Variants in KLF12 observed in about 807,000 individuals in gnomAD.
KLF12 encodes Krueppel-like factor 12.
In KLF12, 9 loss-of-function variants were observed where a neutral mutation model predicts 37.8. The observed-to-expected ratio is 0.24, with a 90% CI of 0.14 to 0.42. The LOEUF is 0.42. Ranked by LOEUF, KLF12 falls within the 10% of genes least tolerant of loss-of-function variation. KLF12 has a pLI of 1.00. For missense variants in KLF12, 411 were observed against 516.0 expected, an observed-to-expected ratio of 0.80 and a Z score of 1.97; for synonymous variants, 208 against 202.1, an observed-to-expected ratio of 1.03 and a Z score of -0.25.
intron 5 of KLF12, among the ~76,000 whole-genome samples, chr13:73,765,415 C>A (rs1488546509): frequency 6.6e-6 from 1 of 152,074 alleles, no homozygotes; most frequent in African/African-American, 2.4e-5. Flanking sequence ...AGTGCCCTCT[C>A]CTTCACTCTA....
At chr13:73,737,308 C>T (rs1055835654) in intron 6 of KLF12, among the ~76,000 whole-genome samples, 1 of 152,126 alleles carries the variant, frequency 6.6e-6, no homozygotes, top group Non-Finnish European at 1.5e-5. Flanking sequence ...TATCTGGAAT[C>T]AGATTTATTT....
intron 3 of KLF12, among the ~76,000 whole-genome samples, chr13:73,855,178 C>T (rs902674876): frequency 6.6e-6 from 1 of 152,134 alleles, no homozygotes; most frequent in South Asian, 2.1e-4. Context: ...CTGAGATTTG[C>T]GTTACGATTC....
chr13:74,295,443 C>T, the KLF12 span, among the ~76,000 whole-genome samples: 88 of 152,258 alleles, frequency 5.8e-4, 1 homozygote, highest in Admixed American at 2.3e-3. Context: ...CCTAAGGAGC[C>T]TGAGCCTTTG....
At chr13:73,744,406 G>A (rs1217508852) in intron 6 of KLF12, among the ~76,000 whole-genome samples, 8 of 152,132 alleles carry the variant, frequency 5.3e-5, no homozygotes, top group African/African-American at 1.7e-4. Flanking sequence ...ATGAAAGGGC[G>A]TTTTGAAAGG....
intron 1 of KLF12, among the ~76,000 whole-genome samples, chr13:74,130,511 G>A (rs190364558): frequency 2.0e-5 from 3 of 152,200 alleles, no homozygotes; most frequent in African/African-American, 7.2e-5. Context: ...AAAATTTTTA[G>A]CTGGGTGTGG....
the KLF12 span, among the ~76,000 whole-genome samples, chr13:74,192,268 A>G: frequency 2.6e-5 from 4 of 152,220 alleles, no homozygotes; most frequent in Non-Finnish European, 5.9e-5. Context: ...ATCTCTAACT[A>G]GTTATTCCAG....
intron 6 of KLF12, among the ~76,000 whole-genome samples, chr13:73,762,435 G>A (rs1879626197): frequency 6.6e-6 from 1 of 152,174 alleles, no homozygotes; most frequent in African/African-American, 2.4e-5. Flanking sequence ...AACAGCCATA[G>A]GCTTTCCCAA....
intron 5 of KLF12, among the ~76,000 whole-genome samples, chr13:73,786,271 C>A (rs373132008): frequency 6.6e-6 from 1 of 152,134 alleles, no homozygotes; most frequent in African/African-American, 2.4e-5. Flanking sequence ...AAATTGTTAA[C>A]GTGGTGGATT....
intron 1 of KLF12, among the ~76,000 whole-genome samples, chr13:74,069,005 CTG>C (rs1874074953): frequency 6.6e-6 from 1 of 152,174 alleles, no homozygotes; most frequent in African/African-American, 2.4e-5. Context: ...GTGCCAGGGA[CTG>C]TGACAGCTGC....
intron 6 of KLF12, among the ~76,000 whole-genome samples, chr13:73,731,465 G>A (rs1465856371): frequency 7.1e-6 from 1 of 140,954 alleles, no homozygotes; most frequent in African/African-American, 2.6e-5. Context: ...AAACTTAATG[G>A]TAATGGAATT....
intron 2 of KLF12, among the ~76,000 whole-genome samples, chr13:73,945,208 C>G (rs948934947): frequency 1.3e-5 from 2 of 152,196 alleles, no homozygotes; most frequent in African/African-American, 4.8e-5. Context: ...GTGGCTCACG[C>G]CTGTAACCCC....
intron 3 of KLF12, among the ~76,000 whole-genome samples, chr13:73,864,401 C>T (rs965314624): frequency 1.4e-4 from 22 of 151,870 alleles, no homozygotes; most frequent in African/African-American, 5.1e-4. Context: ...TGAAGCAGAA[C>T]ATAAGCAATA....
chr13:73,767,113 G>A (rs978713497), intron 5 of KLF12, among the ~76,000 whole-genome samples: 1 of 152,196 alleles, frequency 6.6e-6, no homozygotes, highest in Non-Finnish European at 1.5e-5. Context: ...TACTTCATCT[G>A]ATAAAGTAGA....
At position 74,016,826 on chromosome 13, in the gene KLF12, GA is replaced by G. The variant is rs1223681101; in HGVS notation, c.-31-21774del. ...CATGGTGCACCAAAAGGCACTTCTAGAAAATTCACAGTGCAGATTCCCAACT... is the reference window on the plus strand; with the variant it reads ...CATGGTGCACCAAAAGGCACTTCTAGAAATTCACAGTGCAGATTCCCAACT... On this transcript the variant is annotated intron_variant, in intron 1 of 7. Coordinates refer to ENST00000377669, the MANE Select transcript of KLF12 (RefSeq NM_007249.5). Among the ~76,000 whole-genome samples, 8 of 152,294 alleles carry G rather than the reference GA, an allele frequency of 5.3e-5. No homozygotes were observed. In the East Asian group the frequency reaches 1.5e-3, roughly 29 times the overall value.
At chr13:74,002,930 G>A in intron 1 of KLF12, among the ~76,000 whole-genome samples, 1 of 152,130 alleles carries the variant, frequency 6.6e-6, no homozygotes, top group East Asian at 1.9e-4. Context: ...AAGGTGGGCT[G>A]AATATGGATA....
intron 3 of KLF12, among the ~76,000 whole-genome samples, chr13:73,870,163 C>T (rs985544006): frequency 6.6e-6 from 1 of 152,168 alleles, no homozygotes; most frequent in African/African-American, 2.4e-5. Flanking sequence ...CCCCAGGTTG[C>T]CATCACTGTG....
chr13:74,187,375 A>C, the KLF12 span, among the ~76,000 whole-genome samples: 58 of 152,126 alleles, frequency 3.8e-4, no homozygotes, highest in Non-Finnish European at 6.3e-4. Context: ...TGGTTAACTA[A>C]CCTTGCCATT....
At chr13:74,300,260 A>G in the KLF12 span, among the ~76,000 whole-genome samples, 1 of 152,288 alleles carries the variant, frequency 6.6e-6, no homozygotes, top group East Asian at 1.9e-4. Flanking sequence ...CAAATAGTCT[A>G]TTGGCTTCCT....
rs116873866 is a variant in KLF12 at position 73,917,464 on chromosome 13, G to A, written c.123+26517C>T. ...TTTAAATACCTATGTTTTTGTACCC[G>A]CCCATACTGCTTATGACATACATAT... On this transcript the variant is annotated intron_variant, in intron 3 of 7. Transcript: ENST00000377669. Among the ~76,000 whole-genome samples, 1,519 of 152,000 alleles carry A rather than the reference G, an allele frequency of 1.0e-2. 21 individuals are homozygous for A. Among genetic ancestry groups the A allele is most frequent in the Non-Finnish European group, 0.013 (908 of 67,966 alleles).
Sources: gnomAD v4.1 joint callset for allele counts (sites outside exome capture counted in the v4.1 genomes callset) on GRCh38, gnomAD v4.1.1 for gene constraint, MANE v1.5 for transcripts, NCBI Gene and HGNC (gene_info 2026-07-23, HGNC 2026-07-21) for gene names.